DCHS1: variants seen among roughly 807,000 people sequenced by gnomAD.
DCHS1 encodes the protein protocadherin-16.
A neutral mutation model predicts 213.9 loss-of-function variants in DCHS1; 78 were observed. That is an observed-to-expected ratio of 0.36 (90% CI 0.30 to 0.44). The LOEUF (loss-of-function observed/expected upper bound fraction) is 0.44, where lower values mean the gene tolerates loss of function less well. Among genes scored for constraint, DCHS1 ranks in the 20% least tolerant of loss-of-function variants. The pLI is 1.00. For synonymous variants in DCHS1, 1,828 were observed against 1,873.7 expected, an observed-to-expected ratio of 0.98 and a Z score of 0.63; for missense variants, 3,946 against 4,395.9, an observed-to-expected ratio of 0.90 and a Z score of 2.89.
intron 2 of DCHS1, among the ~76,000 whole-genome samples, chr11:6,637,724 G>A (rs1467666652): frequency 2.0e-5 from 3 of 151,882 alleles, no homozygotes; most frequent in Admixed American, 1.3e-4. Flanking sequence ...CTGCCTATCT[G>A]TACCTCATAT....
At chr11:6,653,713 G>C (rs1856276899) in intron 1 of DCHS1, among the ~76,000 whole-genome samples, 1 of 152,162 alleles carries the variant, frequency 6.6e-6, no homozygotes, top group African/African-American at 2.4e-5. Flanking sequence ...AATAATTTGA[G>C]GGATGAGTAT....
rs747222976 is a variant in DCHS1 at position 6,628,991 on chromosome 11, C to T, written c.5162-161G>A. On this transcript the variant is annotated intron_variant, in intron 12 of 20. Transcript: ENST00000299441. The surrounding 1 kb of genome is among the most constrained non-coding windows in gnomAD (Gnocchi z 4.3). Reference sequence around the variant, plus strand: ...CATGTGTCATGCATACATAAACATACATGTGTCCTACCTCCCATGCTTGGT... The same window carrying T: ...CATGTGTCATGCATACATAAACATATATGTGTCCTACCTCCCATGCTTGGT... Among the ~76,000 whole-genome samples, 38 of 152,330 alleles carry T rather than the reference C, an allele frequency of 2.5e-4. No individual in the cohort carries two copies. Among genetic ancestry groups the T allele is most frequent in the Admixed American group, 4.6e-4 (7 of 15,302 alleles).
chr11:6,624,160 C>T lies in DCHS1; in HGVS notation c.7516G>A (p.Ala2506Thr). The T allele has an allele frequency of 6.2e-7, 1 of 1,612,836 alleles. No individual in the cohort carries two copies. Among genetic ancestry groups the T allele is most frequent in the Non-Finnish European group, 8.5e-7 (1 of 1,179,550 alleles). ...CTGCGGCTTCCATCAGCATCTGTAG[C>T]CTCCAGGGTGAGCAGAGTGGAGCCA... ...PPGSTLLTLEATDADGSRSHA... is the reference protein window; with the variant it reads ...PPGSTLLTLETTDADGSRSHA... The change falls in exon 21 of 21, where the codon GCT (alanine) becomes ACT (threonine). Residue 2506 changes from alanine to threonine, a missense_variant. By Grantham distance (58) the Ala-to-Thr change is moderately conservative. Transcript: ENST00000299441.
At position 6,655,747 on chromosome 11, in the gene DCHS1, C is replaced by G; in HGVS notation, c.-305G>C. The stretch of plus-strand genomic sequence containing the variant: ...GCGCGCCCTTGGCCGTCGATCGGTC[C>G]GTCCGCTGACGCCCGGGCGCCGCCT... On this transcript the variant is annotated 5_prime_UTR_variant, in exon 1 of 21. Coordinates refer to ENST00000299441, the MANE Select transcript of DCHS1 (RefSeq NM_003737.4). 1.0e-6 allele frequency: 1 copy of G among 980,556 alleles called. No homozygotes were observed. 60.7% of individuals were successfully genotyped at this position (980,556 alleles called of 1,614,324 possible).
rs545182750 is a variant in DCHS1 at position 6,626,047 on chromosome 11, A to T, written c.6604T>A (p.Ser2202Thr). 11 of 1,611,712 alleles carry T rather than the reference A, an allele frequency of 6.8e-6. No individual in the cohort carries two copies. The South Asian group carries it at 1.1e-4, about 16-fold the overall frequency. ...AGACTGTAGGAAATCTGTCCTCCAG[A>T]GCCTTGATCCAGGTCATCCGCCTCC... ...QVEADDLDQG[S>T]GGQISYSLAA... The change falls in exon 17 of 21, where the codon TCT becomes ACT. Residue 2202 changes from serine (S) to threonine (T), a missense_variant. By Grantham distance (58) the Ser-to-Thr change is moderately conservative. This residue lies in a region of DCHS1 where 3,384 missense variants were observed against 3,780.1 expected (regional missense o/e 0.90). Transcript: ENST00000299441. The surrounding 1 kb of genome is among the most constrained non-coding windows in gnomAD (Gnocchi z 5.2).
Position 6,625,641 on chromosome 11 carries a change from T to C in DCHS1, c.6818A>G (p.Asn2273Ser), listed in dbSNP as rs1199394242. ...CCAGGGTTGGGGGATGGTGGGGCGA[T>C]TGTCATTGGTGTCGATGACCATCAC... is the stretch of plus-strand genomic sequence containing the variant. ...LTVMVIDTND[N>S]RPTIPQPWEL... Residue 2273 changes from asparagine (N) to serine (S), a missense_variant, in exon 18 of 21, where the codon AAT (asparagine) becomes AGT (serine). By Grantham distance (46) the Asn-to-Ser change is conservative. Coordinates refer to ENST00000299441, the MANE Select transcript of DCHS1 (RefSeq NM_003737.4). The surrounding 1 kb of genome is among the most constrained non-coding windows in gnomAD (Gnocchi z 5.3). 4 of 1,613,434 alleles carry C rather than the reference T, an allele frequency of 2.5e-6. No individual in the cohort carries two copies. Among genetic ancestry groups the C allele is most frequent in the African/African-American group, 1.3e-5 (1 of 74,872 alleles).
rs149968543 is a variant in DCHS1, at chr11:6,629,662, C to T, written c.5035+10G>A. The stretch of plus-strand genomic sequence containing the variant: ...CCATCCCACTCATAATTCACCCCCC[C>T]AGGTCTTACCCACGTCGGGGTCGGT... On this transcript the variant is annotated intron_variant, in intron 11 of 20. Coordinates refer to ENST00000299441, the MANE Select transcript of DCHS1 (RefSeq NM_003737.4). The T allele has an allele frequency of 1.6e-4, 255 of 1,613,014 alleles. No homozygotes were observed. The African/African-American group carries it at 2.9e-3, about 19-fold the overall frequency.
rs775452272 is a variant in DCHS1 at position 6,641,023 on chromosome 11, G to A, written c.591C>T (p.Pro197=). The change falls in exon 2 of 21, where the codon CCC becomes CCT. Residue 197 remains proline, a synonymous_variant. Coordinates refer to ENST00000299441, the MANE Select transcript of DCHS1 (RefSeq NM_003737.4). This position sits in a 1 kb window ranked among gnomAD's most constrained non-coding sequence, Gnocchi z 7.1. The stretch of plus-strand genomic sequence containing the variant: ...CAGGTACTGGAGTCCCATCTGGACC[G>A]GGGCGTGTCTCCAGCCGGAAGGTCT... ...AGETFRLETR[P]GPDGTPVPEL... is the part of the protein sequence containing the mutation. 6 of 1,613,950 alleles carry A rather than the reference G, an allele frequency of 3.7e-6. No homozygotes were observed. Among genetic ancestry groups the A allele is most frequent in the East Asian group, 2.2e-5 (1 of 44,888 alleles).
rs1455733690 is a variant in DCHS1, at chr11:6,623,162, T to C, written c.8514A>G (p.Thr2838=). Residue 2838 remains threonine, a synonymous_variant, in exon 21 of 21, where the codon ACA becomes ACG. Transcript: ENST00000299441. ...GGCCATCGGCACCCCCATCCTCATC[T>C]GTGGCCTGCACGTGACCCAAGCTGT... The part of the protein sequence containing the change: ...RGHSLGHVQA[T]DEDGGADGLV... 2 of 1,608,586 alleles carry C rather than the reference T, an allele frequency of 1.2e-6. No homozygotes were observed. The highest frequency in any genetic ancestry group is 3.4e-5 in the Admixed American group (2 of 59,460).
intron 1 of DCHS1, 69 bp downstream of exon 1, chr11:6,655,494 C>T: frequency 1.1e-6 from 1 of 939,288 alleles, no homozygotes; most frequent in Middle Eastern, 5.5e-4. Context: ...CCGCCGCTGC[C>T]GCAGCCCAGG....
Position 6,633,545 on chromosome 11 carries a change from G to A in DCHS1, c.2322C>T (p.Ala774=). The A allele has an allele frequency of 3.1e-6, 5 of 1,589,428 alleles. No homozygotes were observed. The highest frequency in any genetic ancestry group is 1.1e-5 in the South Asian group (1 of 87,328). The change falls in exon 5 of 21, where the codon GCC becomes GCT. Residue 774 remains alanine (A), a synonymous_variant. Transcript: ENST00000299441. ...DGGGLQAEPS[A]RVDISIVPGT... ...CAGGCACAATGCTGATGTCCACTCG[G>A]GCACTGGGTTCTGCCTGTAGGCCAC... is the stretch of plus-strand genomic sequence containing the variant.
rs761663822 is a variant in DCHS1 at position 6,623,961 on chromosome 11, ACT to A, written c.7713_7714del (p.Val2572GlyfsTer4). The A allele has an allele frequency of 6.2e-7, 1 of 1,607,426 alleles. No homozygotes were observed. The highest frequency in any genetic ancestry group is 1.1e-5 in the South Asian group (1 of 90,940). On this transcript the variant is annotated frameshift_variant, in exon 21 of 21. Transcript: ENST00000299441. LOFTEE classifies it high-confidence loss of function. The stretch of plus-strand genomic sequence containing the variant: ...TGGCTGCCCACGGTCAGCTGCAGCC[ACT>A]GTTAGATTGTACTGTGTCAGGCTTT...
chr11:6,621,756 T>C lies in DCHS1; in HGVS notation c.*23A>G. The C allele has an allele frequency of 6.4e-7, 1 of 1,556,314 alleles. No homozygotes were observed. Among genetic ancestry groups the C allele is most frequent in the Non-Finnish European group, 8.7e-7 (1 of 1,151,604 alleles). On this transcript the variant is annotated 3_prime_UTR_variant, in exon 21 of 21. Transcript: ENST00000299441. ...TTGGGGACACTGTGCGCATCCCAGG[T>C]CGGGGCCCAGCCTGGGCCACAGCTA...
In DCHS1 at chr11:6,622,650, C is replaced by T. The variant is rs754324316; in HGVS notation, c.9026G>A (p.Ser3009Asn). The T allele has an allele frequency of 6.3e-7, 1 of 1,591,290 alleles. No individual in the cohort carries two copies. Among genetic ancestry groups the T allele is most frequent in the South Asian group, 1.1e-5 (1 of 87,230 alleles). ...SEHLYHQTLP[S>N]YGGPGAGGPY... The stretch of plus-strand genomic sequence containing the variant: ...TCCTCCAGCTCCTGGCCCACCATAG[C>T]TGGGAAGAGTCTGGTGATAGAGGTG... The change falls in exon 21 of 21, where the codon AGC becomes AAC. Residue 3009 changes from serine to asparagine, a missense_variant. Around this residue, in one of 3 missense-constraint regions of DCHS1, gnomAD observed 554 missense variants for 590.2 expected, o/e 0.94. Transcript: ENST00000299441. The surrounding 1 kb of genome is among the most constrained non-coding windows in gnomAD (Gnocchi z 5.4).
chr11:6,631,207 G>A lies in DCHS1; in HGVS notation c.3776C>T (p.Pro1259Leu). The change falls in exon 9 of 21, where the codon CCT (proline) becomes CTT (leucine). Residue 1259 changes from proline (P) to leucine (L), a missense_variant. This residue lies in a region of DCHS1 where 3,384 missense variants were observed against 3,780.1 expected (regional missense o/e 0.90). Transcript: ENST00000299441. ...GTGCAGAGAGAAAAGCTCTGAGCCA[G>A]GACCTGGGGACAGGCAGAGGAAGAT... The part of the protein sequence containing the change: ...NGTILYTLTG[P>L]GSELFSLHPH... 4 of 1,611,756 alleles carry A rather than the reference G, an allele frequency of 2.5e-6. No individual in the cohort carries two copies. Among genetic ancestry groups the A allele is most frequent in the East Asian group, 2.2e-5 (1 of 44,818 alleles).
chr11:6,621,740 CTG>C lies in DCHS1; in HGVS notation c.*37_*38del, dbSNP rs1855693611. 1.9e-6 allele frequency: 3 copies of C among 1,546,620 alleles called. No individual in the cohort carries two copies. Among genetic ancestry groups the C allele is most frequent in the African/African-American group, 2.7e-5 (2 of 73,212 alleles). ...CAGAGTGGGGCCTGCGTTGGGGACA[CTG>C]TGCGCATCCCAGGTCGGGGCCCAGC... is the stretch of plus-strand genomic sequence containing the variant. On this transcript the variant is annotated 3_prime_UTR_variant, in exon 21 of 21. Transcript: ENST00000299441.
At position 6,641,750 on chromosome 11, in the gene DCHS1, G is replaced by A; in HGVS notation, c.-120-17C>T. On this transcript the variant is annotated splice_polypyrimidine_tract_variant and intron_variant, in intron 1 of 20. Transcript: ENST00000299441. This position sits in a 1 kb window ranked among gnomAD's most constrained non-coding sequence, Gnocchi z 7.1. Reference sequence around the variant, plus strand: ...CTCCCTGACCTGGGAGAAAACAGAAGGAAACGGGTCATGACAGAGGAGGGA... The same window carrying A: ...CTCCCTGACCTGGGAGAAAACAGAAAGAAACGGGTCATGACAGAGGAGGGA... 7.0e-7 allele frequency: 1 copy of A among 1,436,368 alleles called. No individual in the cohort carries two copies. Among genetic ancestry groups the A allele is most frequent in the Non-Finnish European group, 9.1e-7 (1 of 1,098,672 alleles). 89.0% of individuals were successfully genotyped at this position (1,436,368 alleles called of 1,614,324 possible).
chr11:6,625,342 C>A lies in DCHS1; in HGVS notation c.7002G>T (p.Thr2334=). The change falls in exon 19 of 21, where the codon ACG becomes ACT. Residue 2334 remains threonine (T), a synonymous_variant. Transcript: ENST00000299441. The surrounding 1 kb of genome is among the most constrained non-coding windows in gnomAD (Gnocchi z 5.3). ...CACACTGCTCAAAGTCCAGGGGCCC[C>A]GTGAGGGAGACACGGCCTCCATAGC... ...VGRYGGRVSL[T]GPLDFEQCDR... The A allele has an allele frequency of 6.2e-7, 1 of 1,613,780 alleles. No individual in the cohort carries two copies. The highest frequency in any genetic ancestry group is 1.1e-5 in the South Asian group (1 of 91,078).
rs1164856946 is a variant in DCHS1, at chr11:6,640,046, A to G, written c.1568T>C (p.Ile523Thr). ...APGAHTHWFSIDPTSGIITTA... is the reference protein window; with the variant it reads ...APGAHTHWFSTDPTSGIITTA... ...AGTGATAATGCCTGAGGTGGGGTCA[A>G]TGGAGAACCAGTGGGTGTGGGCGCC... Residue 523 changes from isoleucine to threonine, a missense_variant, in exon 2 of 21, where the codon ATT becomes ACT. Transcript: ENST00000299441. This position sits in a 1 kb window ranked among gnomAD's most constrained non-coding sequence, Gnocchi z 6.5. 1.2e-6 allele frequency: 2 copies of G among 1,614,000 alleles called. No homozygotes were observed.
Sources: gnomAD v4.1 joint callset for allele counts (sites outside exome capture counted in the v4.1 genomes callset) on GRCh38, gnomAD v4.1.1 for gene constraint, gnomAD v4.1.1 regional missense constraint, Gnocchi (gnomAD v3.1) non-coding constraint, MANE v1.5 for transcripts, NCBI Gene and HGNC (gene_info 2026-07-23, HGNC 2026-07-21) for gene names.